Variants in ZBTB17 observed in about 807,000 individuals in gnomAD.
The protein encoded by ZBTB17 is zinc finger and BTB domain containing 17, also known as zinc finger and BTB domain-containing protein 17.
In ZBTB17, 24 loss-of-function variants were observed where a neutral mutation model predicts 85.1. The ratio of observed to expected loss-of-function variants is 0.28; its 90% confidence interval spans 0.20 to 0.40. The LOEUF is 0.40. ZBTB17 is among the 10% of genes least tolerant of loss of function. The pLI, the probability that ZBTB17 is intolerant of heterozygous loss-of-function variation, is 1.00. For synonymous variants in ZBTB17, 464 were observed against 460.2 expected (o/e 1.01, Z -0.11); for missense variants, 743 against 1,105.1 (o/e 0.67, Z 4.65).
intron 2 of ZBTB17, among the ~76,000 whole-genome samples, chr1:15,958,558 A>G (rs543526088): frequency 1.3e-5 from 2 of 152,252 alleles, no homozygotes; most frequent in South Asian, 4.1e-4. Flanking sequence ...TCCAATCTCC[A>G]TAACTGGTGG....
intron 13 of ZBTB17, 103 bp from the exon 14 acceptor site, chr1:15,942,841 C>T: frequency 6.9e-7 from 1 of 1,439,970 alleles, no homozygotes; most frequent in East Asian, 2.4e-5. Flanking sequence ...TCTTTTACAG[C>T]AGGAGGTGCT....
rs1210137488 is a variant in ZBTB17, at chr1:15,942,420, A to C, written c.2039T>G (p.Val680Gly). The C allele has an allele frequency of 6.2e-7, 1 of 1,613,288 alleles. No individual in the cohort carries two copies. The highest frequency in any genetic ancestry group is 8.5e-7 in the Non-Finnish European group (1 of 1,179,994). Residue 680 changes from valine (V) to glycine (G), a missense_variant and splice_region_variant, in exon 15 of 16, where the codon GTG becomes GGG. By Grantham distance (109) the Val-to-Gly change is moderately radical. Coordinates refer to ENST00000375743, the MANE Select transcript of ZBTB17 (RefSeq NM_003443.3). ...TGTCACTGCAGCTCCCACCGGCACC[A>C]CTGCGGGCAGAGTCGCAGGGCCTAA... ...LAATAVTQLT[V>G]VPVGAAVTAD...
intron 2 of ZBTB17, among the ~76,000 whole-genome samples, chr1:15,971,895 T>TC (rs1416340487): frequency 6.6e-6 from 1 of 151,586 alleles, no homozygotes; most frequent in East Asian, 1.9e-4. Flanking sequence ...ACTTTTTTTT[T>TC]TTTTAACTCT....
intron 7 of ZBTB17, 49 bp from the exon 8 acceptor site, chr1:15,944,888 C>G (rs761169225): frequency 7.0e-6 from 11 of 1,563,478 alleles, no homozygotes; most frequent in South Asian, 1.2e-5. Flanking sequence ...CGGTGGGAGG[C>G]CGGAGGGGAG....
At chr1:15,956,013 C>T (rs1422013623) in intron 2 of ZBTB17, among the ~76,000 whole-genome samples, 1 of 152,184 alleles carries the variant, frequency 6.6e-6, no homozygotes, top group East Asian at 1.9e-4. Context: ...TCCAGGATTC[C>T]AGCAGCCCAG....
In ZBTB17 at chr1:15,944,492, C is replaced by T. The variant is rs1371447111; in HGVS notation, c.1179G>A (p.Glu393=). The change falls in exon 9 of 16, where the codon GAG becomes GAA. Residue 393 remains glutamate (E), a synonymous_variant. Transcript: ENST00000375743. ...AGGTGGTGAAGAGCTTGCCGCAGTC[C>T]TCGCAGCGGTAGCGCGCCTCGCCCG... ...RHSGEARYRC[E]DCGKLFTTSG... The T allele has an allele frequency of 6.3e-7, 1 of 1,580,150 alleles. No homozygotes were observed. The highest frequency in any genetic ancestry group is 1.1e-5 in the South Asian group (1 of 87,260).
At chr1:15,974,809 C>A (rs1341095567) in intron 1 of ZBTB17, among the ~76,000 whole-genome samples, 1 of 152,168 alleles carries the variant, frequency 6.6e-6, no homozygotes, top group Non-Finnish European at 1.5e-5. Context: ...CTCCTGACCT[C>A]AAGTGATCTG....
chr1:15,969,002 G>A (rs896909439), intron 2 of ZBTB17, among the ~76,000 whole-genome samples: 8 of 152,194 alleles, frequency 5.3e-5, no homozygotes, highest in African/African-American at 1.2e-4. Context: ...GGTGAGTGGC[G>A]GGCGAGTGAG....
intron 2 of ZBTB17, among the ~76,000 whole-genome samples, chr1:15,949,273 T>C (rs1389770015): frequency 2.0e-5 from 3 of 152,300 alleles, no homozygotes; most frequent in African/African-American, 4.8e-5. Flanking sequence ...GAAAATTCCA[T>C]GGCCCAGTGC....
At position 15,951,348 on chromosome 1, in the gene ZBTB17, T is replaced by C. The variant is rs1570140561; in HGVS notation, c.-2-2851A>G. On this transcript the variant is annotated intron_variant, in intron 2 of 15. Coordinates refer to ENST00000375743, the MANE Select transcript of ZBTB17 (RefSeq NM_003443.3). This position sits in a 1 kb window ranked among gnomAD's most constrained non-coding sequence, Gnocchi z 4.1. ...GAGAGGGAGGGAGGGAGGGGCCCTG[T>C]ACCCACAGAGAGATCAGCAGCAGCT... 6.9e-6 allele frequency among the ~76,000 whole-genome samples: 1 copy of C among 144,094 alleles called. No homozygotes were observed. Among genetic ancestry groups the C allele is most frequent in the Admixed American group, 6.7e-5 (1 of 14,846 alleles). The allele number at this position is 144,094 out of a possible 152,430, so 94.5% of individuals were successfully genotyped here.
chr1:15,958,629 TG>T (rs1038362609), intron 2 of ZBTB17, among the ~76,000 whole-genome samples: 2 of 152,072 alleles, frequency 1.3e-5, no homozygotes, highest in African/African-American at 2.4e-5. Flanking sequence ...CCAGGGGCCC[TG>T]GGATAAGGCT....
At chr1:15,962,072 T>G (rs2072279608) in intron 2 of ZBTB17, among the ~76,000 whole-genome samples, 1 of 151,962 alleles carries the variant, frequency 6.6e-6, no homozygotes, top group Non-Finnish European at 1.5e-5. Flanking sequence ...CCGGGTGTGG[T>G]GGCAGGTGTC....
chr1:15,944,960 C>G lies in ZBTB17; in HGVS notation c.904G>C (p.Gly302Arg). The change falls in exon 7 of 16, where the codon GGC becomes CGC. Residue 302 changes from glycine (G) to arginine (R), a missense_variant. Gly to Arg is a moderately radical substitution (Grantham distance 125, BLOSUM62 -2). Around this residue, in one of 4 missense-constraint regions of ZBTB17, gnomAD observed 279 missense variants for 269.9 expected, o/e 1.03. Coordinates refer to ENST00000375743, the MANE Select transcript of ZBTB17 (RefSeq NM_003443.3). ...YGDRTESKAY[G>R]SVIHKCEDCG... ...ACCTCGCACTTGTGGATGACGGAGCCGTAGGCCTTGGACTCCGTGCGGTCG... is the reference window on the plus strand; with the variant it reads ...ACCTCGCACTTGTGGATGACGGAGCGGTAGGCCTTGGACTCCGTGCGGTCG... 6.3e-7 allele frequency: 1 copy of G among 1,580,888 alleles called. No homozygotes were observed. Among genetic ancestry groups the G allele is most frequent in the Non-Finnish European group, 8.6e-7 (1 of 1,166,492 alleles).
Position 15,943,524 on chromosome 1 carries a change from G to A in ZBTB17, c.1577-5C>T. ...CACACTGGCATGGCTTCTCACCTGG[G>A]GACCGGGCAGAAGGTGTTGGTGCCT... is the stretch of plus-strand genomic sequence containing the variant. On this transcript the variant is annotated splice_region_variant and splice_polypyrimidine_tract_variant and intron_variant, in intron 11 of 15. Transcript: ENST00000375743. The A allele has an allele frequency of 6.2e-7, 1 of 1,609,966 alleles. No homozygotes were observed. The highest frequency in any genetic ancestry group is 1.1e-5 in the South Asian group (1 of 90,842).
chr1:15,970,711 G>C (rs2072619636), intron 2 of ZBTB17, among the ~76,000 whole-genome samples: 1 of 152,172 alleles, frequency 6.6e-6, no homozygotes, highest in Non-Finnish European at 1.5e-5. Context: ...ACTGCGCCCA[G>C]CTAATTTTTG....
chr1:15,944,025 G>T, intron 9 of ZBTB17, 130 bp from the exon 10 acceptor site: 1 of 1,050,768 alleles, frequency 9.5e-7, no homozygotes. Context: ...TATCTCTCCT[G>T]GGTCAGGAGA....
In ZBTB17 at chr1:15,944,484, C is replaced by T. The variant is rs1437555234; in HGVS notation, c.1187G>A (p.Gly396Asp). The change falls in exon 9 of 16, where the codon GGC (glycine) becomes GAC (aspartate). Residue 396 changes from glycine to aspartate, a missense_variant. Around this residue, in one of 4 missense-constraint regions of ZBTB17, gnomAD observed 321 missense variants for 615.7 expected, o/e 0.52. Coordinates refer to ENST00000375743, the MANE Select transcript of ZBTB17 (RefSeq NM_003443.3). Reference protein sequence around the residue: ...GEARYRCEDCGKLFTTSGNLK... With the variant: ...GEARYRCEDCDKLFTTSGNLK... ...GTTGCCCGAGGTGGTGAAGAGCTTG[C>T]CGCAGTCCTCGCAGCGGTAGCGCGC... The T allele has an allele frequency of 1.3e-6, 2 of 1,577,362 alleles. No homozygotes were observed. The highest frequency in any genetic ancestry group is 2.3e-5 in the East Asian group (1 of 42,934).
At chr1:15,962,321 C>G (rs77595010) in intron 2 of ZBTB17, among the ~76,000 whole-genome samples, 43 of 152,304 alleles carry the variant, frequency 2.8e-4, no homozygotes, top group African/African-American at 1.0e-3. Context: ...ACTAACAGCT[C>G]CATCTGCTGA....
Position 15,941,930 on chromosome 1 carries a change from C to A in ZBTB17, c.*39G>T. Reference sequence around the variant, plus strand: ...GGCCACCCTTCCCGGTTCCAGGGTGCCATCCATCCTTAAATAAACAGTCAG... The same window carrying A: ...GGCCACCCTTCCCGGTTCCAGGGTGACATCCATCCTTAAATAAACAGTCAG... On this transcript the variant is annotated 3_prime_UTR_variant, in exon 16 of 16. Coordinates refer to ENST00000375743, the MANE Select transcript of ZBTB17 (RefSeq NM_003443.3). 1 of 1,563,500 alleles carries A rather than the reference C, an allele frequency of 6.4e-7. No homozygotes were observed.
Sources: allele counts gnomAD v4.1 joint callset (sites outside exome capture counted in the v4.1 genomes callset), GRCh38; gene constraint gnomAD v4.1.1; regional missense constraint gnomAD v4.1.1; non-coding constraint Gnocchi (gnomAD v3.1); transcripts MANE v1.5; gene names NCBI Gene and HGNC (gene_info 2026-07-23, HGNC 2026-07-21).